Variants in SUMF2 observed in about 807,000 individuals in gnomAD.
SUMF2 encodes the protein inactive C-alpha-formylglycine-generating enzyme 2.
Under a neutral mutation model 44.8 loss-of-function variants are expected in SUMF2, and 45 were observed. The observed-to-expected ratio is 1.00, with a 90% CI of 0.79 to 1.29. The LOEUF is 1.29. SUMF2 is among the 50% of genes most tolerant of loss of function. The probability of loss-of-function intolerance (pLI) is 0.00; values close to 1 mark genes in which losing one functional copy is unlikely to be tolerated. For missense variants in SUMF2, 418 were observed against 389.9 expected (o/e 1.07, Z -0.61); for synonymous variants, 148 against 150.4 (o/e 0.98, Z 0.12).
intron 1 of SUMF2, among the ~76,000 whole-genome samples, chr7:56,068,066 G>A (rs139342133): frequency 0.049 from 6,048 of 124,478 alleles, 244 homozygotes; most frequent in East Asian, 0.22. Context: ...ACAGAGTCTC[G>A]CTCTGTTGCC....
At chr7:56,087,128 A>G in the SUMF2 span, 1 of 828,576 alleles carries the variant, frequency 1.2e-6, no homozygotes, top group Non-Finnish European at 2.1e-6. Context: ...CTAACTTCAA[A>G]AGCTGACAGG....
downstream of SUMF2, among the ~76,000 whole-genome samples, chr7:56,082,699 G>A (rs1796069454): frequency 6.6e-6 from 1 of 152,202 alleles, no homozygotes; most frequent in Admixed American, 6.5e-5. Context: ...CCAGGGCAGG[G>A]CGGGATACTG....
At chr7:56,072,892 G>A in intron 2 of SUMF2, 105 bp from the exon 3 acceptor site, 2 of 741,932 alleles carry the variant, frequency 2.7e-6, no homozygotes, top group South Asian at 1.7e-5. Context: ...ACACTCTGTG[G>A]TGTATAACTT....
At chr7:56,084,877 A>G (rs1796189870), downstream of SUMF2, among the ~76,000 whole-genome samples, 1 of 152,212 alleles carries the variant, frequency 6.6e-6, no homozygotes, top group Non-Finnish European at 1.5e-5. Flanking sequence ...TTCCCCCAGC[A>G]ACTTCTTCAA....
downstream of SUMF2, chr7:56,083,999 CT>C (rs1796142735): frequency 1.6e-6 from 1 of 615,512 alleles, no homozygotes; most frequent in Admixed American, 2.9e-5. Flanking sequence ...AATTTTTCCC[CT>C]GGAAAAATTT....
At chr7:56,077,011 C>A in intron 6 of SUMF2, 122 bp downstream of exon 6, 1 of 802,100 alleles carries the variant, frequency 1.2e-6, no homozygotes, top group Non-Finnish European at 1.9e-6. Flanking sequence ...GACTCATAAG[C>A]TGGTAAAGCA....
At chr7:56,070,934 T>C (rs1050705894) in intron 2 of SUMF2, among the ~76,000 whole-genome samples, 3 of 152,186 alleles carry the variant, frequency 2.0e-5, no homozygotes, top group Non-Finnish European at 4.4e-5. Context: ...ATTCAAGTTA[T>C]ATGGTGTTCT....
At chr7:56,081,281 G>C (rs747903197), downstream of SUMF2, 17 of 1,610,562 alleles carry the variant, frequency 1.1e-5, no homozygotes, top group South Asian at 2.2e-5. This position sits in a 1 kb window ranked among gnomAD's most constrained non-coding sequence, Gnocchi z 4.6. Context: ...ACTGAAGCCA[G>C]CACGGTCAGA....
At chr7:56,081,691 G>A (rs201883624), downstream of SUMF2, 51 of 1,613,758 alleles carry the variant, frequency 3.2e-5, no homozygotes, top group Non-Finnish European at 5.9e-6. The surrounding 1 kb of genome is among the most constrained non-coding windows in gnomAD (Gnocchi z 4.6). Flanking sequence ...CTGGAAGAAG[G>A]GGTGTGCCAA....
At chr7:56,087,509 T>C in the SUMF2 span, 1 of 1,313,412 alleles carries the variant, frequency 7.6e-7, no homozygotes, top group African/African-American at 1.4e-5. Context: ...TCTAGTTGGC[T>C]GTGCGGTGGG....
chr7:56,067,568 G>A (rs764285561), intron 1 of SUMF2, among the ~76,000 whole-genome samples: 5 of 151,832 alleles, frequency 3.3e-5, no homozygotes, highest in Admixed American at 6.6e-5. Flanking sequence ...AGCTATGGTC[G>A]TCCATAGATA....
rs1208044671 is a variant in SUMF2 at position 56,078,385 on chromosome 7, A to G, written c.698A>G (p.Asn233Ser). The G allele has an allele frequency of 6.2e-7, 1 of 1,609,400 alleles. No individual in the cohort carries two copies. The highest frequency in any genetic ancestry group is 1.3e-5 in the African/African-American group (1 of 74,796). Reference sequence around the variant, plus strand: ...GCAGGGCTCTATGACCTCCTGGGGAACGTGTGGGAGTGGACAGCATCACCG... The same window carrying G: ...GCAGGGCTCTATGACCTCCTGGGGAGCGTGTGGGAGTGGACAGCATCACCG... The part of the protein sequence containing the change: ...NNYGLYDLLG[N>S]VWEWTASPYQ... The change falls in exon 8 of 9, where the codon AAC (asparagine) becomes AGC (serine). Residue 233 changes from asparagine to serine, a missense_variant. Asn to Ser is a conservative substitution (Grantham distance 46). Transcript: ENST00000434526.
the SUMF2 span, among the ~76,000 whole-genome samples, chr7:56,086,524 C>T: frequency 1.3e-5 from 2 of 151,900 alleles, no homozygotes; most frequent in African/African-American, 2.4e-5. Flanking sequence ...GTTTCGCTCT[C>T]GTAGCCCAGG....
At chr7:56,068,772 C>T (rs1396177715) in intron 2 of SUMF2, 134 bp downstream of exon 2, 6 of 1,007,814 alleles carry the variant, frequency 6.0e-6, no homozygotes, top group Middle Eastern at 3.2e-4. Context: ...GGCGCAATCT[C>T]GCTCACTGCA....
intron 1 of SUMF2, among the ~76,000 whole-genome samples, chr7:56,065,089 G>C (rs1479788076): frequency 2.0e-5 from 3 of 150,350 alleles, no homozygotes; most frequent in Non-Finnish European, 4.4e-5. Context: ...CTACTAGGGA[G>C]GCTGAGGCAG....
In SUMF2 at chr7:56,080,260, CTTTTTTTTTTTTT is replaced by C. The variant is rs71015184; in HGVS notation, c.*659_*671del. ...AGACAAATATCAGAAGCTTCCTATT[CTTTTTTTTTTTTT>C]TTTTTTTTTTGAGACAGGGTCTTTC... is the stretch of plus-strand genomic sequence containing the variant. On this transcript the variant is annotated 3_prime_UTR_variant, in exon 9 of 9. Coordinates refer to ENST00000434526, the MANE Select transcript of SUMF2 (RefSeq NM_015411.4). 1 of 105,322 alleles carries C rather than the reference CTTTTTTTTTTTTT, an allele frequency of 9.5e-6. No homozygotes were observed. Among genetic ancestry groups the C allele is most frequent in the South Asian group, 3.2e-4 (1 of 3,134 alleles). 6.5% of individuals were successfully genotyped at this position (105,322 alleles called of 1,614,324 possible).
downstream of SUMF2, chr7:56,081,579 T>C (rs200366686): frequency 1.2e-6 from 2 of 1,601,818 alleles, no homozygotes; most frequent in Non-Finnish European, 1.7e-6. The surrounding 1 kb of genome is among the most constrained non-coding windows in gnomAD (Gnocchi z 4.6). Flanking sequence ...GGAGGGGGCT[T>C]AGAGGTTTGC....
chr7:56,076,873 G>A lies in SUMF2; in HGVS notation c.575G>A (p.Arg192His), dbSNP rs149087624. ...YPWGNWFQPN[R>H]TNLWQGKFPK... ...TGGGGGAACTGGTTCCAGCCAAACC[G>A]CACCAACCTGTGGCAGGTAAGACCT... Residue 192 changes from arginine to histidine, a missense_variant, in exon 6 of 9, where the codon CGC becomes CAC. Transcript: ENST00000434526. 3,551 of 1,605,106 alleles carry A rather than the reference G, an allele frequency of 2.2e-3. 8 individuals carry two copies. The highest frequency in any genetic ancestry group is 2.8e-3 in the Non-Finnish European group (3,290 of 1,175,698).
chr7:56,070,494 G>A (rs1295421635), intron 2 of SUMF2, among the ~76,000 whole-genome samples: 1 of 151,860 alleles, frequency 6.6e-6, no homozygotes, highest in Non-Finnish European at 1.5e-5. Flanking sequence ...GCCCTTCATG[G>A]TAGCACACAC....
Sources: allele counts gnomAD v4.1 joint callset (sites outside exome capture counted in the v4.1 genomes callset), GRCh38; gene constraint gnomAD v4.1.1; non-coding constraint Gnocchi (gnomAD v3.1); transcripts MANE v1.5; gene names NCBI Gene and HGNC (gene_info 2026-07-23, HGNC 2026-07-21).